The following RERE variants were observed in gnomAD, a reference collection of about 807,000 sequenced individuals.
RERE encodes the protein arginine-glutamic acid dipeptide repeats protein.
RERE carries 40 observed loss-of-function variants against 146.1 expected under a neutral mutation model. The observed-to-expected ratio is 0.27, with a 90% confidence interval of 0.21 to 0.36. RERE has a LOEUF of 0.36. Among genes scored for constraint, RERE ranks in the 10% least tolerant of loss-of-function variants. RERE has a pLI of 1.00. For missense variants in RERE, 1,933 were observed against 2,138.7 expected, an observed-to-expected ratio of 0.90 and a Z score of 1.90; for synonymous variants, 1,003 against 866.0, an observed-to-expected ratio of 1.16 and a Z score of -2.78.
intron 10 of RERE, among the ~76,000 whole-genome samples, chr1:8,480,143 G>GTTT (rs375571417): frequency 9.5e-6 from 1 of 105,426 alleles, no homozygotes; most frequent in Non-Finnish European, 1.9e-5. Flanking sequence ...TTTTTTTTTT[G>GTTT]TTTTTTTTTT....
At chr1:8,535,722 A>C (rs1392783988) in intron 7 of RERE, among the ~76,000 whole-genome samples, 2 of 151,528 alleles carry the variant, frequency 1.3e-5, no homozygotes, top group Admixed American at 1.3e-4. Flanking sequence ...GTAACATATA[A>C]GCCTCAACAC....
chr1:8,667,375 T>TA (rs1638600042), intron 1 of RERE, among the ~76,000 whole-genome samples: 1 of 152,156 alleles, frequency 6.6e-6, no homozygotes, highest in Non-Finnish European at 1.5e-5. Context: ...TGTCTTTCTT[T>TA]AAAAAACACA....
At chr1:8,529,533 C>T (rs1237547629) in intron 7 of RERE, among the ~76,000 whole-genome samples, 7 of 151,758 alleles carry the variant, frequency 4.6e-5, no homozygotes, top group Admixed American at 3.9e-4. Flanking sequence ...ATCTCCAGAC[C>T]TCGTGATCCT....
chr1:8,586,246 T>C (rs1192831800), intron 4 of RERE, among the ~76,000 whole-genome samples: 3 of 150,824 alleles, frequency 2.0e-5, no homozygotes, highest in Admixed American at 6.6e-5. Flanking sequence ...AACTAAACTA[T>C]AGTGTACAGA....
At chr1:8,641,794 G>T (rs1411459674) in intron 2 of RERE, among the ~76,000 whole-genome samples, 1 of 152,148 alleles carries the variant, frequency 6.6e-6, no homozygotes, top group African/African-American at 2.4e-5. Flanking sequence ...TTATCATGGC[G>T]ACACCTTAAG....
At chr1:8,553,838 A>C (rs74050229) in intron 6 of RERE, among the ~76,000 whole-genome samples, 4,297 of 152,290 alleles carry the variant, frequency 0.028, 176 homozygotes, top group African/African-American at 0.097. Context: ...AATTCATGGA[A>C]ATCAGATGGA....
intron 2 of RERE, among the ~76,000 whole-genome samples, chr1:8,647,578 C>A (rs1647376940): frequency 1.3e-5 from 2 of 151,528 alleles, no homozygotes; most frequent in South Asian, 2.1e-4. Context: ...ACCTAAAATT[C>A]TTCTAAATAT....
intron 1 of RERE, among the ~76,000 whole-genome samples, chr1:8,709,295 T>C (rs79246615): frequency 2.1e-4 from 32 of 151,806 alleles, no homozygotes; most frequent in Non-Finnish European, 2.6e-4. Context: ...TTTTTTTTTT[T>C]CTTATATTGA....
chr1:8,360,747 T>C lies in RERE; in HGVS notation c.2760A>G (p.Pro920=). The change falls in exon 18 of 23, where the codon CCA becomes CCG. Residue 920 remains proline, a synonymous_variant. Coordinates refer to ENST00000400908, the MANE Select transcript of RERE (RefSeq NM_001042681.2). ...TGATGTGGGGCATGGCCAAGGGCGC[T>C]GGTGGCAGGGGCTGCTCCCGTGGAG... is the stretch of plus-strand genomic sequence containing the variant. The part of the protein sequence containing the change: ...QQPPREQPLP[P]APLAMPHIKP... 1.2e-6 allele frequency: 2 copies of C among 1,600,078 alleles called. No homozygotes were observed. The highest frequency in any genetic ancestry group is 1.7e-6 in the Non-Finnish European group (2 of 1,176,422).
At chr1:8,502,677 C>T (rs1334545119) in intron 8 of RERE, among the ~76,000 whole-genome samples, 6 of 150,340 alleles carry the variant, frequency 4.0e-5, no homozygotes, top group Non-Finnish European at 8.9e-5. Context: ...ATTGAGAAAT[C>T]GGATGGTTGC....
intron 1 of RERE, among the ~76,000 whole-genome samples, chr1:8,748,654 C>T (rs1640471620): frequency 6.6e-6 from 1 of 152,178 alleles, no homozygotes; most frequent in Non-Finnish European, 1.5e-5. Flanking sequence ...CAATTTTTGG[C>T]AGCATCCCAA....
At chr1:8,681,820 G>A (rs1256226918) in intron 1 of RERE, among the ~76,000 whole-genome samples, 1 of 152,150 alleles carries the variant, frequency 6.6e-6, no homozygotes, top group African/African-American at 2.4e-5. Flanking sequence ...GAAATTTTAA[G>A]AGTAGCCATT....
intron 7 of RERE, among the ~76,000 whole-genome samples, chr1:8,517,746 G>C (rs886297031): frequency 6.6e-6 from 1 of 152,072 alleles, no homozygotes; most frequent in African/African-American, 2.4e-5. Flanking sequence ...AGTATCCATA[G>C]CAACTACAAC....
intron 1 of RERE, among the ~76,000 whole-genome samples, chr1:8,766,125 A>G (rs1640840970): frequency 6.6e-6 from 1 of 152,198 alleles, no homozygotes. Flanking sequence ...CAACAACAAC[A>G]AAAAGAAAAA....
At chr1:8,610,032 C>A (rs114272782) in intron 4 of RERE, among the ~76,000 whole-genome samples, 1 of 152,022 alleles carries the variant, frequency 6.6e-6, no homozygotes, top group Non-Finnish European at 1.5e-5. Context: ...GCCTCCCAAA[C>A]TGCTGGGGAT....
rs1284810505 is a variant in RERE, at chr1:8,360,936, C to T, written c.2571G>A (p.Leu857=). ...GGTGCTGCAGCAGGGGCCCAGCCTG[C>T]AGGCTGTGAGGGCCGGGTGGGCCCT... ...HGQGPPGPHS[L]QAGPLLQHPG... The change falls in exon 18 of 23, where the codon CTG becomes CTA. Residue 857 remains leucine (L), a synonymous_variant. Coordinates refer to ENST00000400908, the MANE Select transcript of RERE (RefSeq NM_001042681.2). The T allele has an allele frequency of 4.1e-6, 6 of 1,466,186 alleles. No individual in the cohort carries two copies. The highest frequency in any genetic ancestry group is 5.4e-6 in the Non-Finnish European group (6 of 1,116,444). 90.8% of individuals were successfully genotyped at this position (1,466,186 alleles called of 1,614,324 possible).
At chr1:8,719,538 T>C (rs1181415629) in intron 1 of RERE, among the ~76,000 whole-genome samples, 1 of 152,168 alleles carries the variant, frequency 6.6e-6, no homozygotes, top group Admixed American at 6.5e-5. Flanking sequence ...ATGATTGAAA[T>C]GACACCAAAT....
intron 4 of RERE, among the ~76,000 whole-genome samples, chr1:8,591,060 A>C (rs2124099811): frequency 6.6e-6 from 1 of 152,344 alleles, no homozygotes. Flanking sequence ...ATGTGTGTTC[A>C]CTATAAAGAG....
intron 12 of RERE, among the ~76,000 whole-genome samples, chr1:8,421,139 C>T (rs1210346729): frequency 6.6e-6 from 1 of 152,152 alleles, no homozygotes; most frequent in Non-Finnish European, 1.5e-5. Context: ...CAAGATAGTT[C>T]TGTATCAAAT....
Sources: allele counts gnomAD v4.1 joint callset (sites outside exome capture counted in the v4.1 genomes callset), GRCh38; gene constraint gnomAD v4.1.1; transcripts MANE v1.5; gene names NCBI Gene and HGNC (gene_info 2026-07-23, HGNC 2026-07-21).